Variants in ATP13A4 observed in about 807,000 individuals in gnomAD.
The protein encoded by ATP13A4 is probable cation-transporting ATPase 13A4.
In ATP13A4, 114 loss-of-function variants were observed where a neutral mutation model predicts 142.5. The ratio of observed to expected loss-of-function variants is 0.80; its 90% CI spans 0.69 to 0.93. The LOEUF (loss-of-function observed/expected upper bound fraction) is 0.93. Ranked by LOEUF, ATP13A4 falls within the 40% of genes least tolerant of loss-of-function variation. The pLI is 0.00. For synonymous variants in ATP13A4, 488 were observed against 514.8 expected, an observed-to-expected ratio of 0.95 and a Z score of 0.70; for missense variants, 1,392 against 1,454.0, an observed-to-expected ratio of 0.96 and a Z score of 0.69.
intron 25 of ATP13A4, among the ~76,000 whole-genome samples, chr3:193,433,505 G>A (rs1449177509): frequency 1.3e-5 from 2 of 152,058 alleles, no homozygotes; most frequent in African/African-American, 2.4e-5. Context: ...CCTATAAATT[G>A]GGTACATTTT....
At chr3:193,490,796 C>T (rs557826093) in intron 6 of ATP13A4, among the ~76,000 whole-genome samples, 1 of 152,122 alleles carries the variant, frequency 6.6e-6, no homozygotes, top group African/African-American at 2.4e-5. Flanking sequence ...AGAGAGAGCA[C>T]AGGGAAGCCA....
intron 1 of ATP13A4, among the ~76,000 whole-genome samples, chr3:193,588,957 T>C (rs956837583): frequency 4.6e-5 from 7 of 152,090 alleles, no homozygotes; most frequent in African/African-American, 1.4e-4. Flanking sequence ...CTGGCCAAAA[T>C]GGTGAAACCC....
At chr3:193,460,193 C>A (rs145274361) in intron 13 of ATP13A4, among the ~76,000 whole-genome samples, 1 of 152,296 alleles carries the variant, frequency 6.6e-6, no homozygotes, top group Admixed American at 6.5e-5. Context: ...TCTGGTGTCG[C>A]ACAGGAACCT....
intron 19 of ATP13A4, among the ~76,000 whole-genome samples, chr3:193,441,922 T>C (rs913358915): frequency 6.6e-6 from 1 of 152,202 alleles, no homozygotes; most frequent in Admixed American, 6.5e-5. Context: ...TTACTATTTT[T>C]TTGTCCTTAG....
chr3:193,458,962 A>C, intron 14 of ATP13A4, 119 bp downstream of exon 14: 2 of 1,425,830 alleles, frequency 1.4e-6, no homozygotes, highest in Non-Finnish European at 2.0e-6. Context: ...GCCCTTCACT[A>C]CCAAATGTAC....
intron 2 of ATP13A4, among the ~76,000 whole-genome samples, chr3:193,571,728 G>A (rs1014773041): frequency 2.0e-5 from 3 of 152,050 alleles, no homozygotes; most frequent in South Asian, 2.1e-4. Flanking sequence ...TGTCAAGGTC[G>A]GCACAAACAA....
At chr3:193,586,361 A>T (rs1225247846) in intron 1 of ATP13A4, among the ~76,000 whole-genome samples, 4 of 152,280 alleles carry the variant, frequency 2.6e-5, no homozygotes, top group African/African-American at 7.2e-5. Flanking sequence ...ATGATTTTTT[A>T]AAAATTTTAT....
In ATP13A4 at chr3:193,489,771, A is replaced by C. The variant is rs761149183; in HGVS notation, c.697T>G (p.Ser233Ala). The change falls in exon 7 of 30, where the codon TCC becomes GCC. Residue 233 changes from serine (S) to alanine (A), a missense_variant. Coordinates refer to ENST00000342695, the MANE Select transcript of ATP13A4 (RefSeq NM_032279.4). ...KEYAFAIIIMSIISISLTVYD... is the reference protein window; with the variant it reads ...KEYAFAIIIMAIISISLTVYD... Reference sequence around the variant, plus strand: ...ACTGTCAAAGATATGGAAATTATGGACATGATTATGATGGCAAAAGCATAT... The same window carrying C: ...ACTGTCAAAGATATGGAAATTATGGCCATGATTATGATGGCAAAAGCATAT... The C allele has an allele frequency of 1.2e-5, 20 of 1,611,042 alleles. No homozygotes were observed. The African/African-American group carries it at 2.3e-4, about 18-fold the overall frequency.
rs570400924 is a variant in ATP13A4 at position 193,438,282 on chromosome 3, C to T, written c.2672+193G>A. On this transcript the variant is annotated intron_variant, in intron 23 of 29. Coordinates refer to ENST00000342695, the MANE Select transcript of ATP13A4 (RefSeq NM_032279.4). Reference sequence around the variant, plus strand: ...CTAATCAGTGAATTCACTGGAAATGCCACTGCTCTCCCAATGTTATTGTTA... The same window carrying T: ...CTAATCAGTGAATTCACTGGAAATGTCACTGCTCTCCCAATGTTATTGTTA... 5.5e-4 allele frequency among the ~76,000 whole-genome samples: 83 copies of T among 152,102 alleles called. 1 individual carries two copies. Among genetic ancestry groups the T allele is most frequent in the Non-Finnish European group, 1.0e-3 (68 of 68,032 alleles).
At chr3:193,477,841 T>C (rs1186323828) in intron 8 of ATP13A4, among the ~76,000 whole-genome samples, 1 of 152,028 alleles carries the variant, frequency 6.6e-6, no homozygotes, top group Non-Finnish European at 1.5e-5. Context: ...GGTCTCTCCT[T>C]AGTGTGAAGC....
intron 8 of ATP13A4, 151 bp downstream of exon 8, chr3:193,483,785 A>G: frequency 1.4e-6 from 1 of 736,212 alleles, no homozygotes; most frequent in Non-Finnish European, 2.3e-6. Flanking sequence ...TTAAGGTAAA[A>G]AAAAAAACTT....
At chr3:193,445,860 C>G (rs1353832287) in intron 18 of ATP13A4, among the ~76,000 whole-genome samples, 1 of 151,840 alleles carries the variant, frequency 6.6e-6, no homozygotes, top group Non-Finnish European at 1.5e-5. Flanking sequence ...TAAGAAAACT[C>G]AAATCCCACC....
chr3:193,512,526 C>T (rs1721195735), intron 2 of ATP13A4, among the ~76,000 whole-genome samples: 1 of 152,164 alleles, frequency 6.6e-6, no homozygotes, highest in African/African-American at 2.4e-5. Context: ...GAAGTGAAAA[C>T]TAGTTACAGC....
intron 1 of ATP13A4, among the ~76,000 whole-genome samples, chr3:193,543,829 A>G (rs1167523022): frequency 2.0e-5 from 3 of 152,202 alleles, no homozygotes; most frequent in Non-Finnish European, 4.4e-5. Context: ...TTTGCATCTC[A>G]TGAAAGTGAT....
chr3:193,422,409 A>G (rs1328845984), intron 25 of ATP13A4, among the ~76,000 whole-genome samples: 2 of 144,620 alleles, frequency 1.4e-5, no homozygotes, highest in Non-Finnish European at 3.0e-5. Context: ...TTTCTATTCA[A>G]TAACAGAAGA....
At chr3:193,559,123 AT>A (rs1723962416), upstream of ATP13A4, among the ~76,000 whole-genome samples, 1 of 152,180 alleles carries the variant, frequency 6.6e-6, no homozygotes, top group Non-Finnish European at 1.5e-5. Flanking sequence ...ATAATGTTTC[AT>A]TATATGTTAA....
chr3:193,514,573 A>T, intron 2 of ATP13A4, 125 bp downstream of exon 2: 1 of 1,272,822 alleles, frequency 7.9e-7, no homozygotes, highest in Non-Finnish European at 1.1e-6. Context: ...GATGAAACCT[A>T]AGGAACCAAA....
chr3:193,581,764 C>A (rs1177575844), exon 2 of ATP13A4: 3 of 152,194 alleles, frequency 2.0e-5, no homozygotes, highest in Non-Finnish European at 4.4e-5. Flanking sequence ...AAGACCCTCT[C>A]TTCTACTCCA....
Position 193,441,809 on chromosome 3 carries a change from T to G in ATP13A4, c.2317-221A>C, listed in dbSNP as rs549864584. ...ACTTACTCATGTCCTGTTTTCATCG[T>G]GATTTGATCTTGGTGAGTCCCAGAG... On this transcript the variant is annotated intron_variant, in intron 19 of 29. Transcript: ENST00000342695. Among the ~76,000 whole-genome samples, 32 of 152,358 alleles carry G rather than the reference T, an allele frequency of 2.1e-4. 1 individual carries two copies. In the South Asian group the frequency reaches 6.4e-3, roughly 31 times the overall value.
Sources: gnomAD v4.1 joint callset for allele counts (sites outside exome capture counted in the v4.1 genomes callset) on GRCh38, gnomAD v4.1.1 for gene constraint, MANE v1.5 for transcripts, NCBI Gene and HGNC (gene_info 2026-07-23, HGNC 2026-07-21) for gene names.